The following CACNA1C variants were observed in gnomAD, a reference collection of about 807,000 sequenced individuals.
CACNA1C encodes the protein voltage-dependent L-type calcium channel subunit alpha-1C.
In CACNA1C, 30 loss-of-function variants were observed where a neutral mutation model predicts 229.0. The ratio of observed to expected loss-of-function variants is 0.13; its 90% CI spans 0.10 to 0.18. The LOEUF is 0.18. CACNA1C is among the 10% of genes least tolerant of loss of function. The probability of loss-of-function intolerance (pLI) is 1.00; values close to 1 mark genes in which losing one functional copy is unlikely to be tolerated. For synonymous variants in CACNA1C, 1,114 were observed against 1,132.5 expected, an observed-to-expected ratio of 0.98 and a Z score of 0.33; for missense variants, 1,658 against 2,845.0, an observed-to-expected ratio of 0.58 and a Z score of 9.49.
intron 3 of CACNA1C, among the ~76,000 whole-genome samples, chr12:2,317,038 A>T (rs1395250924): frequency 6.6e-6 from 1 of 152,262 alleles, no homozygotes; most frequent in Non-Finnish European, 1.5e-5. Flanking sequence ...ATGTGGACAG[A>T]TTGGAACCGT....
chr12:2,084,951 C>G (rs539343654), intron 1 of CACNA1C, among the ~76,000 whole-genome samples: 32 of 152,270 alleles, frequency 2.1e-4, no homozygotes, highest in African/African-American at 7.7e-4. Flanking sequence ...CATTTTTATT[C>G]TGACTGAAAC....
At chr12:2,506,469 T>C (rs1013101634) in intron 8 of CACNA1C, among the ~76,000 whole-genome samples, 11 of 152,212 alleles carry the variant, frequency 7.2e-5, no homozygotes, top group Non-Finnish European at 1.6e-4. Context: ...TTCCAGTGCA[T>C]AGGTGGCTGT....
At chr12:2,662,001 G>A (rs1045908117) in intron 34 of CACNA1C, among the ~76,000 whole-genome samples, 4 of 152,182 alleles carry the variant, frequency 2.6e-5, no homozygotes, top group Admixed American at 6.5e-5. Flanking sequence ...CCAGCACTTC[G>A]GGAGGCCAAG....
intron 1 of CACNA1C, among the ~76,000 whole-genome samples, chr12:2,010,623 C>G (rs1339765787): frequency 1.3e-5 from 2 of 152,184 alleles, no homozygotes; most frequent in African/African-American, 4.8e-5. Flanking sequence ...CTGTCACTGT[C>G]AGGAGTCAGG....
intron 3 of CACNA1C, among the ~76,000 whole-genome samples, chr12:2,294,919 G>A (rs1046522730): frequency 6.6e-5 from 10 of 152,264 alleles, no homozygotes; most frequent in African/African-American, 1.2e-4. Flanking sequence ...TGTAATCTCC[G>A]TGGTCAGTGA....
At chr12:2,062,458 T>G (rs1375452336) in intron 1 of CACNA1C, among the ~76,000 whole-genome samples, 1 of 152,192 alleles carries the variant, frequency 6.6e-6, no homozygotes, top group Non-Finnish European at 1.5e-5. Flanking sequence ...CTGTTACTTC[T>G]CCCCATGGAG....
rs1043008919 is a variant in CACNA1C, at chr12:2,479,447, G to A, written c.758-6657G>A. Among the ~76,000 whole-genome samples, 1 of 152,186 alleles carries A rather than the reference G, an allele frequency of 6.6e-6. No homozygotes were observed. The highest frequency in any genetic ancestry group is 2.4e-5 in the African/African-American group (1 of 41,456). ...CATCCAATTCTAAGAGGAAGGACTT[G>A]TAGCGAAGCTTAGAATTTGCCCACC... On this transcript the variant is annotated intron_variant, in intron 5 of 46. Transcript: ENST00000399655. The surrounding 1 kb of genome is among the most constrained non-coding windows in gnomAD (Gnocchi z 4.3).
At position 2,597,179 on chromosome 12, in the gene CACNA1C, CT is replaced by C; in HGVS notation, c.2794-47del. ...TCCACTGACCTCTCTTCCCGTCCTG[CT>C]TTTCTCCCTTCCCCATCCCATCCCC... is the stretch of plus-strand genomic sequence containing the variant. On this transcript the variant is annotated intron_variant, in intron 20 of 46. Transcript: ENST00000399655. The surrounding 1 kb of genome is among the most constrained non-coding windows in gnomAD (Gnocchi z 4.3). The C allele has an allele frequency of 8.3e-7, 1 of 1,211,232 alleles. No homozygotes were observed. The highest frequency in any genetic ancestry group is 1.2e-6 in the Non-Finnish European group (1 of 818,840). The allele number at this position is 1,211,232 out of a possible 1,614,324, so 75.0% of individuals were successfully genotyped here.
At chr12:2,548,580 T>C (rs1233847150) in intron 9 of CACNA1C, among the ~76,000 whole-genome samples, 1 of 152,206 alleles carries the variant, frequency 6.6e-6, no homozygotes. Flanking sequence ...AAATGACATC[T>C]GGATTTTTTT....
At position 2,666,841 on chromosome 12, in the gene CACNA1C, T is replaced by C. The variant is rs984750902; in HGVS notation, c.4623+59T>C. On this transcript the variant is annotated intron_variant, in intron 37 of 46. Coordinates refer to ENST00000399655, the MANE Select transcript of CACNA1C (RefSeq NM_000719.7). This position sits in a 1 kb window ranked among gnomAD's most constrained non-coding sequence, Gnocchi z 5.3. ...GAAAATAGGGGAAGTGAAGTGCCCA[T>C]TTCTTGTGATCCTTTAAGGGAATGA... 8 of 980,322 alleles carry C rather than the reference T, an allele frequency of 8.2e-6. No homozygotes were observed. The highest frequency in any genetic ancestry group is 4.8e-5 in the African/African-American group (3 of 62,388). The allele number at this position is 980,322 out of a possible 1,614,324, so 60.7% of individuals were successfully genotyped here.
chr12:2,442,907 C>G (rs1468729896), intron 3 of CACNA1C, among the ~76,000 whole-genome samples: 1 of 152,170 alleles, frequency 6.6e-6, no homozygotes, highest in African/African-American at 2.4e-5. Context: ...AGGGATCCAT[C>G]CTCATCACCC....
At chr12:2,562,061 G>T (rs1375129459) in intron 11 of CACNA1C, among the ~76,000 whole-genome samples, 1 of 152,040 alleles carries the variant, frequency 6.6e-6, no homozygotes, top group Non-Finnish European at 1.5e-5. Flanking sequence ...TCTCTGGATA[G>T]TAATTACCCC....
intron 3 of CACNA1C, among the ~76,000 whole-genome samples, chr12:2,201,183 A>G (rs916463903): frequency 6.6e-6 from 1 of 152,150 alleles, no homozygotes; most frequent in East Asian, 1.9e-4. Flanking sequence ...TGCTCAGAGA[A>G]TCACACACAC....
intron 3 of CACNA1C, among the ~76,000 whole-genome samples, chr12:2,210,422 T>C (rs1230519710): frequency 1.3e-5 from 2 of 152,248 alleles, no homozygotes; most frequent in Non-Finnish European, 2.9e-5. Context: ...TTAAGACTTA[T>C]GCCCTCTTTC....
At chr12:2,179,528 C>G in intron 3 of CACNA1C, among the ~76,000 whole-genome samples, 1 of 152,186 alleles carries the variant, frequency 6.6e-6, no homozygotes, top group East Asian at 1.9e-4. Flanking sequence ...ACAGAAACTC[C>G]GGGCTCTGAA....
At chr12:2,522,623 T>A (rs573616435) in intron 9 of CACNA1C, among the ~76,000 whole-genome samples, 1 of 152,254 alleles carries the variant, frequency 6.6e-6, no homozygotes, top group South Asian at 2.1e-4. Flanking sequence ...CATGCCCACA[T>A]ACTCCCCGTA....
Position 2,488,086 on chromosome 12 carries a change from T to C in CACNA1C, c.916+1824T>C, listed in dbSNP as rs1370584173. 6.6e-6 allele frequency among the ~76,000 whole-genome samples: 1 copy of C among 152,006 alleles called. No homozygotes were observed. The highest frequency in any genetic ancestry group is 1.5e-5 in the Non-Finnish European group (1 of 68,000). On this transcript the variant is annotated intron_variant, in intron 6 of 46. Transcript: ENST00000399655. This position sits in a 1 kb window ranked among gnomAD's most constrained non-coding sequence, Gnocchi z 4.0. ...ACTAACAAAATGGGGGAGAGCGAAATGGTAGAATTCAGCCATCGAGCCAAA... is the reference window on the plus strand; with the variant it reads ...ACTAACAAAATGGGGGAGAGCGAAACGGTAGAATTCAGCCATCGAGCCAAA...
chr12:2,290,007 A>T (rs1346471439), intron 3 of CACNA1C, among the ~76,000 whole-genome samples: 2 of 152,178 alleles, frequency 1.3e-5, no homozygotes, highest in Non-Finnish European at 2.9e-5. Context: ...GTTAGTAATA[A>T]AGCTTGGGTG....
chr12:2,351,941 G>A (rs1042255653), intron 3 of CACNA1C, among the ~76,000 whole-genome samples: 5 of 152,148 alleles, frequency 3.3e-5, no homozygotes, highest in African/African-American at 9.7e-5. Context: ...CCAGGATTCC[G>A]GTCTTGTCAG....
Sources: gnomAD v4.1 joint callset for allele counts (sites outside exome capture counted in the v4.1 genomes callset) on GRCh38, gnomAD v4.1.1 for gene constraint, Gnocchi (gnomAD v3.1) non-coding constraint, MANE v1.5 for transcripts, NCBI Gene and HGNC (gene_info 2026-07-23, HGNC 2026-07-21) for gene names.